Variants in DENND5B observed in about 807,000 individuals in gnomAD.
The protein encoded by DENND5B is DENN domain-containing protein 5B.
Under a neutral mutation model 140.6 loss-of-function variants are expected in DENND5B, and 34 were observed. The ratio of observed to expected loss-of-function variants is 0.24; its 90% CI spans 0.18 to 0.32. DENND5B has a LOEUF of 0.32. Among genes scored for constraint, DENND5B ranks in the 10% least tolerant of loss-of-function variants. DENND5B has a pLI of 1.00. For synonymous variants in DENND5B, 551 were observed against 562.1 expected (o/e 0.98, Z 0.28); for missense variants, 1,142 against 1,560.2 (o/e 0.73, Z 4.52).
In DENND5B at chr12:31,396,053, C is replaced by CCTGTTTTTTT. The variant is rs1399702795; in HGVS notation, c.3256+2121_3256+2122insAAAAAAACAG. Among the ~76,000 whole-genome samples, 7 of 102,844 alleles carry CCTGTTTTTTT rather than the reference C, an allele frequency of 6.8e-5. 2 individuals carry two copies. The highest frequency in any genetic ancestry group is 7.8e-5 in the Non-Finnish European group (4 of 51,544). 67.5% of individuals were successfully genotyped at this position (102,844 alleles called of 152,430 possible). ...TAGCTTCTGGTGGCTGTTGGCATTCCTTGTTTTTTTTTTTTTTTTTTTTTT... is the reference window on the plus strand; with the variant it reads ...TAGCTTCTGGTGGCTGTTGGCATTCCCTGTTTTTTTTTGTTTTTTTTTTTTTTTTTTTTTT... On this transcript the variant is annotated intron_variant, in intron 17 of 20. Coordinates refer to ENST00000389082, the MANE Select transcript of DENND5B (RefSeq NM_144973.4).
chr12:31,419,169 G>A (rs1942904713), intron 11 of DENND5B, among the ~76,000 whole-genome samples: 2 of 152,296 alleles, frequency 1.3e-5, no homozygotes, highest in South Asian at 4.1e-4. Flanking sequence ...CTATGTAAAT[G>A]TATACTTCCA....
chr12:31,410,762 G>A (rs529560792), intron 13 of DENND5B, among the ~76,000 whole-genome samples: 6 of 152,196 alleles, frequency 3.9e-5, no homozygotes, highest in South Asian at 2.1e-4. Flanking sequence ...TATTTTGTCC[G>A]AGGTCATTCA....
intron 1 of DENND5B, among the ~76,000 whole-genome samples, chr12:31,588,237 G>A (rs777839209): frequency 1.3e-5 from 2 of 152,068 alleles, no homozygotes; most frequent in East Asian, 1.9e-4. Flanking sequence ...TGTCCTTCAA[G>A]GCTCTGTTCA....
chr12:31,410,187 A>C (rs759094822), intron 13 of DENND5B, among the ~76,000 whole-genome samples: 2 of 152,184 alleles, frequency 1.3e-5, no homozygotes, highest in African/African-American at 4.8e-5. Context: ...TGAAAATTTC[A>C]GGAAAGCAAT....
At chr12:31,556,573 A>G (rs1482567287) in intron 1 of DENND5B, among the ~76,000 whole-genome samples, 2 of 152,228 alleles carry the variant, frequency 1.3e-5, no homozygotes, top group Non-Finnish European at 2.9e-5. Flanking sequence ...GCAGAACAAT[A>G]TTAAGAAAAC....
intron 3 of DENND5B, among the ~76,000 whole-genome samples, chr12:31,463,494 G>C (rs1470678259): frequency 6.6e-6 from 1 of 152,086 alleles, no homozygotes; most frequent in African/African-American, 2.4e-5. Flanking sequence ...CAATATTTTT[G>C]AACGAATAGA....
intron 4 of DENND5B, among the ~76,000 whole-genome samples, chr12:31,455,042 G>T (rs895358131): frequency 6.6e-6 from 1 of 151,490 alleles, no homozygotes; most frequent in African/African-American, 2.4e-5. Flanking sequence ...GGATGGTCTC[G>T]ATCTCCTGAC....
chr12:31,453,486 T>C (rs1054184849), intron 4 of DENND5B, among the ~76,000 whole-genome samples: 3 of 152,332 alleles, frequency 2.0e-5, no homozygotes, highest in Non-Finnish European at 1.5e-5. Context: ...CTGTCCATAC[T>C]CTCTTAATCA....
In DENND5B at chr12:31,575,829, G is replaced by A. The variant is rs1001075639; in HGVS notation, c.127+14877C>T. On this transcript the variant is annotated intron_variant, in intron 1 of 20. Transcript: ENST00000389082. ...ATTAACCAGGCACATAGCAGGGCACGGTGGTACATGCCTGTAATATCAGCT... is the reference window on the plus strand; with the variant it reads ...ATTAACCAGGCACATAGCAGGGCACAGTGGTACATGCCTGTAATATCAGCT... Among the ~76,000 whole-genome samples the A allele has an allele frequency of 5.9e-5, 9 of 152,160 alleles. No homozygotes were observed. The South Asian group carries it at 6.2e-4, about 11-fold the overall frequency.
chr12:31,536,647 G>C (rs547197994), intron 1 of DENND5B, among the ~76,000 whole-genome samples: 1 of 150,360 alleles, frequency 6.7e-6, no homozygotes, highest in African/African-American at 2.5e-5. Context: ...GATAGGAATA[G>C]AAGATGTATT....
rs926064989 is a variant in DENND5B at position 31,385,327 on chromosome 12, G to A, written c.*2276C>T. On this transcript the variant is annotated 3_prime_UTR_variant, in exon 21 of 21. Transcript: ENST00000389082. ...GCTTGTGTTGTCAGTAACCAGCTGT[G>A]GGGTAAGTGTAAGATTTAATCTCTC... 2.0e-5 allele frequency: 3 copies of A among 152,130 alleles called. No homozygotes were observed. Among genetic ancestry groups the A allele is most frequent in the Admixed American group, 6.5e-5 (1 of 15,268 alleles). The allele number at this position is 152,130 out of a possible 1,614,324, so 9.4% of individuals were successfully genotyped here.
At chr12:31,448,995 T>A (rs1944395315) in intron 5 of DENND5B, among the ~76,000 whole-genome samples, 1 of 152,258 alleles carries the variant, frequency 6.6e-6, no homozygotes, top group South Asian at 2.1e-4. Flanking sequence ...CAGTTCCTAA[T>A]TAAAAGTGTC....
chr12:31,570,720 G>GAA (rs1949792728), intron 1 of DENND5B, among the ~76,000 whole-genome samples: 1 of 151,808 alleles, frequency 6.6e-6, no homozygotes, highest in Non-Finnish European at 1.5e-5. Flanking sequence ...TAGGTTTAAA[G>GAA]AAAATGAGAA....
chr12:31,384,576 GACTGAAGGA>G lies in DENND5B; in HGVS notation c.*3018_*3026del, dbSNP rs1940766565. On this transcript the variant is annotated 3_prime_UTR_variant, in exon 21 of 21. Transcript: ENST00000389082. Reference sequence around the variant, plus strand: ...GAATAAGTACATGGGCTCACAAGGTGACTGAAGGACCCATCATCCAAGAGGATGTGTCAG... The same window carrying G: ...GAATAAGTACATGGGCTCACAAGGTGCCCATCATCCAAGAGGATGTGTCAG... 6.6e-6 allele frequency: 1 copy of G among 152,136 alleles called. No homozygotes were observed. The highest frequency in any genetic ancestry group is 1.5e-5 in the Non-Finnish European group (1 of 68,036). The allele number at this position is 152,136 out of a possible 1,614,324, so 9.4% of individuals were successfully genotyped here.
chr12:31,398,508 C>A, intron 16 of DENND5B, 146 bp from the exon 17 acceptor site: 1 of 703,746 alleles, frequency 1.4e-6, no homozygotes, highest in Non-Finnish European at 2.2e-6. Flanking sequence ...CATTACATTG[C>A]CCAGGCTGGT....
At chr12:31,466,015 A>T (rs4931501) in intron 3 of DENND5B, among the ~76,000 whole-genome samples, 86,889 of 152,080 alleles carry the variant, frequency 0.57, 25,308 homozygotes, top group East Asian at 0.82. Context: ...TTCATAAAGC[A>T]GGAGACAGAT....
At chr12:31,421,283 G>C (rs1326917511) in intron 11 of DENND5B, among the ~76,000 whole-genome samples, 1 of 151,906 alleles carries the variant, frequency 6.6e-6, no homozygotes, top group Non-Finnish European at 1.5e-5. Context: ...GATCTCAAGT[G>C]ACCCATCCAC....
At chr12:31,489,718 T>C (rs1476890747) in intron 2 of DENND5B, among the ~76,000 whole-genome samples, 2 of 150,864 alleles carry the variant, frequency 1.3e-5, no homozygotes, top group Non-Finnish European at 2.9e-5. Context: ...AGCTAAGTAA[T>C]TGGTTAACTG....
Position 31,489,748 on chromosome 12 carries a change from A to G in DENND5B, c.237+6062T>C, listed in dbSNP as rs551683860. Reference sequence around the variant, plus strand: ...TAACTGCAACTGAGATAGGTGCTACAAAAAGGTATACAAGGTACTAAGAGA... The same window carrying G: ...TAACTGCAACTGAGATAGGTGCTACGAAAAGGTATACAAGGTACTAAGAGA... On this transcript the variant is annotated intron_variant, in intron 2 of 20. Coordinates refer to ENST00000389082, the MANE Select transcript of DENND5B (RefSeq NM_144973.4). Among the ~76,000 whole-genome samples the G allele has an allele frequency of 2.9e-5, 3 of 102,534 alleles. No homozygotes were observed. The South Asian group carries it at 1.0e-3, about 35-fold the overall frequency. 67.3% of individuals were successfully genotyped at this position (102,534 alleles called of 152,430 possible). A position where few individuals can be genotyped will look rare whatever the true frequency, so the allele number is the denominator to read the frequency against.
Sources: allele counts gnomAD v4.1 joint callset (sites outside exome capture counted in the v4.1 genomes callset), GRCh38; gene constraint gnomAD v4.1.1; transcripts MANE v1.5; gene names NCBI Gene and HGNC (gene_info 2026-07-23, HGNC 2026-07-21).